The following PCDHGA5 variants were observed in gnomAD, a reference collection of about 807,000 sequenced individuals.
PCDHGA5 encodes the protein protocadherin gamma subfamily A, 5.
Under a neutral mutation model 56.7 loss-of-function variants are expected in PCDHGA5, and 36 were observed. That is an observed-to-expected ratio of 0.64 (90% confidence interval 0.49 to 0.84). PCDHGA5 has a LOEUF of 0.84. Among genes scored for constraint, PCDHGA5 ranks in the 40% least tolerant of loss-of-function variants. The probability of loss-of-function intolerance (pLI) is 0.00; values close to 1 mark genes in which losing one functional copy is unlikely to be tolerated. For synonymous variants in PCDHGA5, 563 were observed against 520.2 expected (o/e 1.08, Z -1.12); for missense variants, 1,305 against 1,201.5 (o/e 1.09, Z -1.27).
chr5:141,383,692 C>T (rs1779370134), intron 1 of PCDHGA5: 4 of 1,613,888 alleles, frequency 2.5e-6, no homozygotes, highest in Non-Finnish European at 2.5e-6. Flanking sequence ...GCTCACGGTA[C>T]ATGCTATCGA....
At chr5:141,509,872 G>A (rs968745661) in intron 3 of PCDHGA5, among the ~76,000 whole-genome samples, 1 of 152,166 alleles carries the variant, frequency 6.6e-6, no homozygotes, top group Non-Finnish European at 1.5e-5. Context: ...CCAAGCTGCT[G>A]GTGGTGATGG....
At position 141,491,187 on chromosome 5, in the gene PCDHGA5, G is replaced by A. The variant is rs2099709293; in HGVS notation, c.2422-3620G>A. ...CCCAGCAGGTGGTGGTCCTGGTGAG[G>A]GACAATGGTGACCCTTCACTCTCCT... On this transcript the variant is annotated intron_variant, in intron 1 of 3. Coordinates refer to ENST00000518069, the MANE Select transcript of PCDHGA5 (RefSeq NM_018918.3). The surrounding 1 kb of genome is among the most constrained non-coding windows in gnomAD (Gnocchi z 6.9). The A allele has an allele frequency of 6.2e-7, 1 of 1,614,064 alleles. No homozygotes were observed. The highest frequency in any genetic ancestry group is 1.1e-5 in the South Asian group (1 of 91,080).
intron 1 of PCDHGA5, chr5:141,399,237 AGATTCTG>A: frequency 6.2e-7 from 1 of 1,614,002 alleles, no homozygotes; most frequent in South Asian, 1.1e-5. Context: ...TACATGACCA[AGATTCTG>A]GGGAAAATGG....
chr5:141,433,122 G>C (rs1442464320), intron 1 of PCDHGA5: 1 of 1,614,134 alleles, frequency 6.2e-7, no homozygotes, highest in Admixed American at 1.7e-5. Flanking sequence ...TTTGAAAAAA[G>C]CGAGCCCCTT....
intron 1 of PCDHGA5, among the ~76,000 whole-genome samples, chr5:141,468,131 C>A (rs1006565854): frequency 1.3e-5 from 2 of 151,650 alleles, no homozygotes; most frequent in South Asian, 4.2e-4. Context: ...TTGAGACCAG[C>A]CTGGCCAACA....
chr5:141,480,837 G>T (rs1435750544), intron 1 of PCDHGA5, among the ~76,000 whole-genome samples: 2 of 152,168 alleles, frequency 1.3e-5, no homozygotes, highest in African/African-American at 4.8e-5. Flanking sequence ...ATAAGATCAG[G>T]AGTTTGAGAC....
intron 1 of PCDHGA5, chr5:141,408,178 G>A (rs1425207794): frequency 1.3e-6 from 2 of 1,535,708 alleles, no homozygotes; most frequent in Non-Finnish European, 1.8e-6. Context: ...GAAAAGCGGG[G>A]ACCCAGCGAG....
intron 1 of PCDHGA5, among the ~76,000 whole-genome samples, chr5:141,437,668 G>T (rs72790049): frequency 3.1e-4 from 47 of 151,868 alleles, no homozygotes; most frequent in Non-Finnish European, 6.0e-4. Context: ...TCGAAGAGAT[G>T]TTGATCAAAC....
intron 2 of PCDHGA5, among the ~76,000 whole-genome samples, chr5:141,501,102 C>G (rs951290710): frequency 2.0e-5 from 3 of 152,014 alleles, no homozygotes; most frequent in African/African-American, 4.8e-5. Flanking sequence ...CTCTTGACCT[C>G]GTGATCCGCC....
At chr5:141,429,657 A>G (rs1455808092) in intron 1 of PCDHGA5, among the ~76,000 whole-genome samples, 1 of 152,232 alleles carries the variant, frequency 6.6e-6, no homozygotes, top group African/African-American at 2.4e-5. Flanking sequence ...TTCCCAATTT[A>G]AAATATATTA....
chr5:141,365,018 G>T lies in PCDHGA5; in HGVS notation c.688G>T (p.Val230Phe). The T allele has an allele frequency of 6.2e-7, 1 of 1,613,880 alleles. No individual in the cohort carries two copies. The highest frequency in any genetic ancestry group is 8.5e-7 in the Non-Finnish European group (1 of 1,179,888). The stretch of plus-strand genomic sequence containing the variant: ...ACTCTCCGGCACCACGCACATCCGT[G>T]TTACGGTCCTCGACGCAAACGACAA... ...PVLSGTTHIR[V>F]TVLDANDNAP... The change falls in exon 1 of 4, where the codon GTT (valine) becomes TTT (phenylalanine). Residue 230 changes from valine to phenylalanine, a missense_variant. Val to Phe is a conservative substitution (Grantham distance 50). Transcript: ENST00000518069.
chr5:141,473,476 A>G (rs1300050332), intron 1 of PCDHGA5, among the ~76,000 whole-genome samples: 15 of 151,558 alleles, frequency 9.9e-5, no homozygotes, highest in Admixed American at 9.2e-4. Context: ...GCCAAGTTCA[A>G]TGGAAAAAAT....
chr5:141,398,568 G>C, intron 1 of PCDHGA5: 1 of 1,614,014 alleles, frequency 6.2e-7, no homozygotes, highest in African/African-American at 1.3e-5. Context: ...AGTCTGCACA[G>C]CCTGGCACAA....
chr5:141,489,530 G>A lies in PCDHGA5; in HGVS notation c.2422-5277G>A. 6.2e-7 allele frequency: 1 copy of A among 1,614,092 alleles called. No homozygotes were observed. Among genetic ancestry groups the A allele is most frequent in the Non-Finnish European group, 8.5e-7 (1 of 1,180,022 alleles). On this transcript the variant is annotated intron_variant, in intron 1 of 3. Transcript: ENST00000518069. This position sits in a 1 kb window ranked among gnomAD's most constrained non-coding sequence, Gnocchi z 4.5. ...AAGATTGACCGAGAAAGCCTATGTGGAGCCAGCACCAGCTGCCTGCTGCCA... is the reference window on the plus strand; with the variant it reads ...AAGATTGACCGAGAAAGCCTATGTGAAGCCAGCACCAGCTGCCTGCTGCCA...
intron 1 of PCDHGA5, chr5:141,370,991 C>T (rs753428613): frequency 4.3e-6 from 7 of 1,613,954 alleles, no homozygotes; most frequent in Non-Finnish European, 5.9e-6. Flanking sequence ...TGAAAGCACC[C>T]CTGGACAGGG....
chr5:141,489,894 G>T lies in PCDHGA5; in HGVS notation c.2422-4913G>T. 1.2e-6 allele frequency: 2 copies of T among 1,614,204 alleles called. No homozygotes were observed. Among genetic ancestry groups the T allele is most frequent in the Non-Finnish European group, 1.7e-6 (2 of 1,180,028 alleles). The stretch of plus-strand genomic sequence containing the variant: ...TGGTGCTTACTGCTGTGGATGGGGG[G>T]ACCCCAGCCCGCTCAGGGACCACCC... On this transcript the variant is annotated intron_variant, in intron 1 of 3. Transcript: ENST00000518069. The surrounding 1 kb of genome is among the most constrained non-coding windows in gnomAD (Gnocchi z 4.5).
At chr5:141,375,066 G>C (rs1463444937) in intron 1 of PCDHGA5, 2 of 1,613,990 alleles carry the variant, frequency 1.2e-6, no homozygotes, top group East Asian at 2.2e-5. Flanking sequence ...CCAGGTCTTC[G>C]AGACAGAGCG....
In PCDHGA5 at chr5:141,400,505, C is replaced by T. The variant is rs759107285; in HGVS notation, c.2421+33754C>T. The stretch of plus-strand genomic sequence containing the variant: ...TTTCCACTTTGTAATTCCAGCGAGT[C>T]GACTTCCCATCCTGAGTTGGTGAGT... On this transcript the variant is annotated intron_variant, in intron 1 of 3. Transcript: ENST00000518069. 9 of 1,613,816 alleles carry T rather than the reference C, an allele frequency of 5.6e-6. No homozygotes were observed. In the African/African-American group the frequency reaches 6.7e-5, roughly 12 times the overall value.
At chr5:141,394,660 T>G in intron 1 of PCDHGA5, 1 of 1,613,264 alleles carries the variant, frequency 6.2e-7, no homozygotes, top group East Asian at 2.2e-5. Context: ...GAGCCGGGAC[T>G]CTTCTCGGTG....
Sources: gnomAD v4.1 joint callset for allele counts (sites outside exome capture counted in the v4.1 genomes callset) on GRCh38, gnomAD v4.1.1 for gene constraint, Gnocchi (gnomAD v3.1) non-coding constraint, MANE v1.5 for transcripts, NCBI Gene and HGNC (gene_info 2026-07-23, HGNC 2026-07-21) for gene names.